Variants in PSMD14 observed in about 807,000 individuals in gnomAD.
The protein encoded by PSMD14 is ubiquitin C-terminal hydrolase PSMD14.
Under a neutral mutation model 41.2 loss-of-function variants are expected in PSMD14, and 7 were observed. The observed-to-expected ratio is 0.17, with a 90% CI of 0.10 to 0.32. PSMD14 has a LOEUF of 0.32. PSMD14 is among the 10% of genes least tolerant of loss of function. PSMD14 has a pLI of 1.00. For missense variants in PSMD14, 139 were observed against 375.6 expected (o/e 0.37, Z 5.21); for synonymous variants, 114 against 122.3 (o/e 0.93, Z 0.45).
intron 1 of PSMD14, among the ~76,000 whole-genome samples, chr2:161,311,541 A>C (rs1689087606): frequency 6.6e-6 from 1 of 151,912 alleles, no homozygotes; most frequent in East Asian, 1.9e-4. Context: ...GGTATCCTGG[A>C]ACCAATTCCC....
At chr2:161,370,270 GA>G in intron 6 of PSMD14, 93 bp downstream of exon 6, 1 of 994,462 alleles carries the variant, frequency 1.0e-6, no homozygotes. Flanking sequence ...GTCATTTCTA[GA>G]AAAAGTGGTT....
chr2:161,353,451 C>T (rs780140926), intron 3 of PSMD14, among the ~76,000 whole-genome samples: 40 of 152,206 alleles, frequency 2.6e-4, no homozygotes, highest in African/African-American at 7.5e-4. Flanking sequence ...TAGGAATCCA[C>T]GCTTTAGTTA....
intron 3 of PSMD14, among the ~76,000 whole-genome samples, chr2:161,345,900 A>AT (rs1460357092): frequency 6.7e-6 from 1 of 149,484 alleles, no homozygotes; most frequent in Non-Finnish European, 1.5e-5. Context: ...TTTTATTTTT[A>AT]TTTTTTCTGA....
intron 10 of PSMD14, among the ~76,000 whole-genome samples, chr2:161,407,132 T>C (rs1057173382): frequency 6.6e-6 from 1 of 152,140 alleles, no homozygotes; most frequent in Non-Finnish European, 1.5e-5. Flanking sequence ...ATGTGAATTG[T>C]TCCATTCATC....
intron 10 of PSMD14, 92 bp downstream of exon 10, chr2:161,395,295 T>A: frequency 8.6e-7 from 1 of 1,164,856 alleles, no homozygotes; most frequent in Non-Finnish European, 1.2e-6. Flanking sequence ...AAATAGAGAA[T>A]CCTGTTTTGT....
At chr2:161,332,169 C>A (rs1220339822) in intron 3 of PSMD14, among the ~76,000 whole-genome samples, 1 of 152,116 alleles carries the variant, frequency 6.6e-6, no homozygotes, top group African/African-American at 2.4e-5. Context: ...ACATGTAATA[C>A]TTGGCCCATG....
At chr2:161,403,598 C>A (rs1386605117) in intron 10 of PSMD14, among the ~76,000 whole-genome samples, 1 of 152,138 alleles carries the variant, frequency 6.6e-6, no homozygotes, top group Non-Finnish European at 1.5e-5. Context: ...CCTTTGATGA[C>A]TGACTTCTCA....
At chr2:161,360,191 ATTTTTTT>A (rs35876321) in intron 3 of PSMD14, among the ~76,000 whole-genome samples, 1 of 138,040 alleles carries the variant, frequency 7.2e-6, no homozygotes, top group Non-Finnish European at 1.5e-5. Context: ...ATATGCATGT[ATTTTTTT>A]TTTTTTTTTG....
chr2:161,310,455 C>G (rs1689075597), intron 1 of PSMD14, among the ~76,000 whole-genome samples: 1 of 152,114 alleles, frequency 6.6e-6, no homozygotes, highest in South Asian at 2.1e-4. Flanking sequence ...ATTTCTTGCT[C>G]AGGAACTTGT....
chr2:161,366,934 T>C (rs188431811), intron 3 of PSMD14, among the ~76,000 whole-genome samples: 22 of 152,250 alleles, frequency 1.4e-4, no homozygotes, highest in African/African-American at 4.3e-4. Context: ...CCTGGGGCAA[T>C]TGTGTTAAAT....
chr2:161,394,508 A>G (rs1206260505), intron 9 of PSMD14, among the ~76,000 whole-genome samples: 4 of 152,206 alleles, frequency 2.6e-5, no homozygotes, highest in Admixed American at 2.0e-4. Flanking sequence ...AAGCTAGGCT[A>G]TATGAAAAAT....
intron 10 of PSMD14, among the ~76,000 whole-genome samples, chr2:161,406,457 T>C (rs1455859047): frequency 1.3e-5 from 2 of 152,196 alleles, no homozygotes; most frequent in Non-Finnish European, 2.9e-5. Context: ...AGAAGTTCCC[T>C]AGTGAGGACA....
chr2:161,375,735 AAGTT>A (rs1474262727), intron 7 of PSMD14, among the ~76,000 whole-genome samples: 2 of 151,920 alleles, frequency 1.3e-5, no homozygotes, highest in Non-Finnish European at 2.9e-5. Context: ...TACAGGAAGA[AAGTT>A]AGGGAATGTG....
chr2:161,335,984 G>A (rs1003452931), intron 3 of PSMD14, among the ~76,000 whole-genome samples: 1 of 152,194 alleles, frequency 6.6e-6, no homozygotes, highest in Non-Finnish European at 1.5e-5. Flanking sequence ...AGGAATGGTA[G>A]ATAATGAAAG....
chr2:161,311,812 G>A (rs548044542), intron 1 of PSMD14, among the ~76,000 whole-genome samples: 13 of 151,668 alleles, frequency 8.6e-5, no homozygotes, highest in African/African-American at 2.7e-4. Flanking sequence ...ACCAGGTTTC[G>A]CCATGTTGGC....
chr2:161,408,790 T>G (rs1388290838), intron 10 of PSMD14, 47 bp from the exon 11 acceptor site: 2 of 1,435,510 alleles, frequency 1.4e-6, no homozygotes, highest in Admixed American at 3.7e-5. Context: ...GCAGTGGGAA[T>G]AGAGGATTTA....
chr2:161,388,915 C>G (rs548154143), intron 8 of PSMD14, among the ~76,000 whole-genome samples: 6 of 151,908 alleles, frequency 3.9e-5, no homozygotes, highest in African/African-American at 1.5e-4. Flanking sequence ...AGGACATGGC[C>G]GGTTGACTTA....
intron 10 of PSMD14, among the ~76,000 whole-genome samples, chr2:161,404,889 T>C (rs1683928876): frequency 6.6e-6 from 1 of 152,218 alleles, no homozygotes; most frequent in African/African-American, 2.4e-5. Context: ...CTTTCTGCTC[T>C]TCTGTTTTTA....
chr2:161,323,077 C>A (rs1055798581), intron 3 of PSMD14, among the ~76,000 whole-genome samples: 1 of 152,156 alleles, frequency 6.6e-6, no homozygotes, highest in East Asian at 1.9e-4. Flanking sequence ...CTATTTATTT[C>A]TAGAATTCCT....
Sources: allele counts gnomAD v4.1 joint callset (sites outside exome capture counted in the v4.1 genomes callset), GRCh38; gene constraint gnomAD v4.1.1; transcripts MANE v1.5; gene names NCBI Gene and HGNC (gene_info 2026-07-23, HGNC 2026-07-21).